The following CRAMP1 variants were observed in gnomAD, a reference collection of about 807,000 sequenced individuals.
CRAMP1 encodes cramped chromatin regulator 1, also known as protein cramped-like.
Under a neutral mutation model 115.4 loss-of-function variants are expected in CRAMP1, and 50 were observed. The ratio of observed to expected loss-of-function variants is 0.43; its 90% confidence interval spans 0.35 to 0.55. The LOEUF (loss-of-function observed/expected upper bound fraction) is 0.55, where lower values mean the gene tolerates loss of function less well. Among genes scored for constraint, CRAMP1 ranks in the 20% least tolerant of loss-of-function variants. The pLI is 0.01. For missense variants in CRAMP1, 1,679 were observed against 1,721.7 expected (o/e 0.98, Z 0.44); for synonymous variants, 866 against 745.4 (o/e 1.16, Z -2.64).
At chr16:1,659,641 C>A (rs574552593) in intron 10 of CRAMP1, among the ~76,000 whole-genome samples, 2 of 152,328 alleles carry the variant, frequency 1.3e-5, no homozygotes, top group African/African-American at 4.8e-5. Flanking sequence ...CTCGTCTCGG[C>A]CTCCCAAAGT....
In CRAMP1 at chr16:1,632,194, A is replaced by G. The variant is rs933004743; in HGVS notation, c.541-18A>G. On this transcript the variant is annotated intron_variant, in intron 3 of 20. Transcript: ENST00000397412. ...TTGTTTTAACCCCTCTACATTTATC[A>G]TGGAATTTATTTTCCAGCATGGGAA... 20 of 1,551,274 alleles carry G rather than the reference A, an allele frequency of 1.3e-5. No homozygotes were observed. In the African/African-American group the frequency reaches 1.8e-4, roughly 14 times the overall value.
intron 6 of CRAMP1, among the ~76,000 whole-genome samples, chr16:1,641,622 C>T (rs963022740): frequency 2.0e-5 from 3 of 152,196 alleles, no homozygotes; most frequent in Admixed American, 6.5e-5. Flanking sequence ...CTTCTGTCTC[C>T]AACTGGCCGC....
chr16:1,662,541 G>A lies in CRAMP1; in HGVS notation c.2465G>A (p.Gly822Glu). ...TTGGTGCCTGGTCCCTCCAGCACAGGAAGCAATGACTCAGATGGAGGCCTT... is the reference window on the plus strand; with the variant it reads ...TTGGTGCCTGGTCCCTCCAGCACAGAAAGCAATGACTCAGATGGAGGCCTT... ...PLLVPGPSST[G>E]SNDSDGGLFA... is the part of the protein sequence containing the mutation. Residue 822 changes from glycine (G) to glutamate (E), a missense_variant, in exon 12 of 21, where the codon GGA (glycine) becomes GAA (glutamate). Physicochemically the swap from Gly to Glu is moderately conservative, Grantham distance 98. Around this residue, in one of 8 missense-constraint regions of CRAMP1, gnomAD observed 709 missense variants for 741.9 expected, o/e 0.96. Coordinates refer to ENST00000397412, the MANE Select transcript of CRAMP1 (RefSeq NM_020825.4). 6.2e-7 allele frequency: 1 copy of A among 1,613,940 alleles called. No individual in the cohort carries two copies. The highest frequency in any genetic ancestry group is 1.3e-5 in the African/African-American group (1 of 75,010).
chr16:1,653,994 T>A (rs1359110252), intron 8 of CRAMP1, among the ~76,000 whole-genome samples: 1 of 145,768 alleles, frequency 6.9e-6, no homozygotes, highest in Non-Finnish European at 1.5e-5. Flanking sequence ...ACAAAAAAAA[T>A]TAGCCGGGCG....
chr16:1,641,022 A>G lies in CRAMP1; in HGVS notation c.779-117A>G, dbSNP rs17135461. 4,206 of 686,174 alleles carry G rather than the reference A, an allele frequency of 6.1e-3. 153 individuals carry two copies. In the African/African-American group the frequency reaches 0.066, roughly 11 times the overall value. The allele number at this position is 686,174 out of a possible 1,614,324, so 42.5% of individuals were successfully genotyped here. A position where few individuals can be genotyped will look rare whatever the true frequency, so the allele number is the denominator to read the frequency against. On this transcript the variant is annotated intron_variant, in intron 5 of 20. Transcript: ENST00000397412. The stretch of plus-strand genomic sequence containing the variant: ...ACTGTAGGGCTTTTATTCCAGAGGA[A>G]CTTTAATATTCGGTAATGGGATTTG...
intron 6 of CRAMP1, among the ~76,000 whole-genome samples, chr16:1,649,749 A>G (rs1489935127): frequency 6.7e-6 from 1 of 148,492 alleles, no homozygotes; most frequent in East Asian, 2.0e-4. Flanking sequence ...TCGGCCTCCC[A>G]AAGAGCTGAG....
rs983927362 is a variant in CRAMP1 at position 1,672,001 on chromosome 16, C to T, written c.3645+1192C>T. Among the ~76,000 whole-genome samples, 4 of 152,190 alleles carry T rather than the reference C, an allele frequency of 2.6e-5. No homozygotes were observed. Among genetic ancestry groups the T allele is most frequent in the East Asian group, 3.9e-4 (2 of 5,192 alleles). ...GCACACCTTGGACTCTGATGTTTCC[C>T]GAGAAGCCAGTCTCTGTCTCTTCCC... On this transcript the variant is annotated intron_variant, in intron 20 of 20. Coordinates refer to ENST00000397412, the MANE Select transcript of CRAMP1 (RefSeq NM_020825.4). This position sits in a 1 kb window ranked among gnomAD's most constrained non-coding sequence, Gnocchi z 4.9.
rs753123955 is a variant in CRAMP1 at position 1,665,114 on chromosome 16, A to G, written c.2728A>G (p.Ile910Val). The change falls in exon 14 of 21, where the codon ATC becomes GTC. Residue 910 changes from isoleucine to valine, a missense_variant. Around this residue, in one of 8 missense-constraint regions of CRAMP1, gnomAD observed 709 missense variants for 741.9 expected, o/e 0.96. Transcript: ENST00000397412. ...NQSHNVCSFS[I>V]LSNSSVTGRG... ...GTCCCACAACGTTTGTTCCTTCTCC[A>G]TCCTGTCTAACTCTTCCGTAACTGG... 1.6e-5 allele frequency: 25 copies of G among 1,612,200 alleles called. No individual in the cohort carries two copies. The highest frequency in any genetic ancestry group is 1.7e-5 in the Non-Finnish European group (20 of 1,178,564).
At chr16:1,619,805 G>A (rs899601933) in intron 2 of CRAMP1, among the ~76,000 whole-genome samples, 3 of 152,160 alleles carry the variant, frequency 2.0e-5, no homozygotes, top group African/African-American at 7.2e-5. Flanking sequence ...ACTCCCAGAG[G>A]GTGTCGTGGA....
At chr16:1,631,734 G>A (rs2142177866) in intron 3 of CRAMP1, among the ~76,000 whole-genome samples, 1 of 152,308 alleles carries the variant, frequency 6.6e-6, no homozygotes, top group East Asian at 1.9e-4. Context: ...TAGTCTGTGC[G>A]GTTCACTTAC....
intron 2 of CRAMP1, among the ~76,000 whole-genome samples, chr16:1,617,038 A>G (rs1235587510): frequency 6.7e-6 from 1 of 150,248 alleles, no homozygotes; most frequent in Non-Finnish European, 1.5e-5. Flanking sequence ...GTTAGCCAGG[A>G]TGGTCTCGAT....
At chr16:1,636,158 G>A (rs1470772363) in intron 4 of CRAMP1, among the ~76,000 whole-genome samples, 1 of 152,154 alleles carries the variant, frequency 6.6e-6, no homozygotes, top group Non-Finnish European at 1.5e-5. Flanking sequence ...ATCACCTGAG[G>A]TCAAGAGTTT....
At position 1,614,144 on chromosome 16, in the gene CRAMP1, A is replaced by G. The variant is rs1266574586; in HGVS notation, c.-1-495A>G. Among the ~76,000 whole-genome samples, 1 of 116,400 alleles carries G rather than the reference A, an allele frequency of 8.6e-6. No individual in the cohort carries two copies. The highest frequency in any genetic ancestry group is 1.8e-5 in the Non-Finnish European group (1 of 54,762). 76.4% of individuals were successfully genotyped at this position (116,400 alleles called of 152,430 possible). A position where few individuals can be genotyped will look rare whatever the true frequency, so the allele number is the denominator to read the frequency against. ...CGGGGAGGGGGTGGGACGAGGGGCT[A>G]GGGCTGGGGCTGCGGCCCGGCCGGC... On this transcript the variant is annotated intron_variant, in intron 1 of 20. Transcript: ENST00000397412. The surrounding 1 kb of genome is among the most constrained non-coding windows in gnomAD (Gnocchi z 4.4).
At position 1,625,854 on chromosome 16, in the gene CRAMP1, G is replaced by A. The variant is rs1040441880; in HGVS notation, c.347-119G>A. ...CTGGGTGCTGCCTGCCAGCATCCTC[G>A]GTTGAGGAGTGTGGAGTGGGACCTC... On this transcript the variant is annotated intron_variant, in intron 2 of 20. Coordinates refer to ENST00000397412, the MANE Select transcript of CRAMP1 (RefSeq NM_020825.4). 8 of 985,308 alleles carry A rather than the reference G, an allele frequency of 8.1e-6. No homozygotes were observed. In the Admixed American group the frequency reaches 1.1e-4, roughly 13 times the overall value. The allele number at this position is 985,308 out of a possible 1,614,324, so 61.0% of individuals were successfully genotyped here.
intron 6 of CRAMP1, among the ~76,000 whole-genome samples, chr16:1,644,071 T>G (rs1031965748): frequency 3.9e-5 from 6 of 152,146 alleles, no homozygotes; most frequent in Non-Finnish European, 8.8e-5. Context: ...TGATGGGGAA[T>G]TTGCCCGTGT....
chr16:1,638,170 C>T (rs1025617215), intron 5 of CRAMP1, among the ~76,000 whole-genome samples: 2 of 152,184 alleles, frequency 1.3e-5, no homozygotes, highest in African/African-American at 2.4e-5. Flanking sequence ...GCATTCCACT[C>T]GACTGTAAGA....
rs369839979 is a variant in CRAMP1, at chr16:1,672,469, G to T, written c.3646-1412G>T. On this transcript the variant is annotated intron_variant, in intron 20 of 20. Transcript: ENST00000397412. The surrounding 1 kb of genome is among the most constrained non-coding windows in gnomAD (Gnocchi z 4.9). The stretch of plus-strand genomic sequence containing the variant: ...GTGGTAGGGCTAGCATGAAGGGGGC[G>T]GGGGTGGAGCTGGGTGGCCCTGGGA... Among the ~76,000 whole-genome samples, 1 of 152,112 alleles carries T rather than the reference G, an allele frequency of 6.6e-6. No individual in the cohort carries two copies. The highest frequency in any genetic ancestry group is 6.5e-5 in the Admixed American group (1 of 15,274).
chr16:1,642,972 C>G (rs1357818865), intron 6 of CRAMP1, among the ~76,000 whole-genome samples: 4 of 152,192 alleles, frequency 2.6e-5, no homozygotes, highest in Non-Finnish European at 5.9e-5. Flanking sequence ...GAAATAGATT[C>G]CTTCTGACCA....
chr16:1,657,053 G>C, intron 10 of CRAMP1, 61 bp downstream of exon 10: 1 of 1,400,950 alleles, frequency 7.1e-7, no homozygotes. Flanking sequence ...CAGCCTTGGA[G>C]GGCTCCCTGC....
Sources: gnomAD v4.1 joint callset for allele counts (sites outside exome capture counted in the v4.1 genomes callset) on GRCh38, gnomAD v4.1.1 for gene constraint, gnomAD v4.1.1 regional missense constraint, Gnocchi (gnomAD v3.1) non-coding constraint, MANE v1.5 for transcripts, NCBI Gene and HGNC (gene_info 2026-07-23, HGNC 2026-07-21) for gene names.